The following APBA2 variants were observed in gnomAD, a reference collection of about 807,000 sequenced individuals.
APBA2 encodes amyloid beta precursor protein binding family A member 2, also known as amyloid-beta A4 precursor protein-binding family A member 2.
APBA2 carries 30 observed loss-of-function variants against 75.0 expected under a neutral mutation model. The ratio of observed to expected loss-of-function variants is 0.40; its 90% CI spans 0.30 to 0.54. APBA2 has a LOEUF of 0.54. Ranked by LOEUF, APBA2 falls within the 20% of genes least tolerant of loss-of-function variation. The pLI is 0.49. For missense variants in APBA2, 801 were observed against 1,016.1 expected, an observed-to-expected ratio of 0.79 and a Z score of 2.88; for synonymous variants, 444 against 409.6, an observed-to-expected ratio of 1.08 and a Z score of -1.01.
chr15:28,978,417 G>C (rs1262351216), intron 2 of APBA2, among the ~76,000 whole-genome samples: 6 of 152,222 alleles, frequency 3.9e-5, no homozygotes, highest in African/African-American at 2.4e-5. Context: ...CAGAGCTAAG[G>C]GGGTGAGGCT....
chr15:28,962,054 A>G (rs902820332), intron 2 of APBA2, among the ~76,000 whole-genome samples: 3 of 152,044 alleles, frequency 2.0e-5, no homozygotes, highest in Non-Finnish European at 4.4e-5. Context: ...GACCTTCCAA[A>G]GGTGGTTTTT....
At chr15:28,890,087 C>T (rs1323405983) in intron 1 of APBA2, among the ~76,000 whole-genome samples, 3 of 152,198 alleles carry the variant, frequency 2.0e-5, no homozygotes, top group Non-Finnish European at 2.9e-5. Flanking sequence ...GTCCTGCTCC[C>T]TGTGCCTCCT....
In APBA2 at chr15:29,055,000, C is replaced by T. The variant is rs1038212501; in HGVS notation, c.951+165C>T. ...ATTGGTCCAGTTGGGAGACATGTTG[C>T]GTGGATGCTCCGGCCACTCTTAAGC... On this transcript the variant is annotated intron_variant, in intron 4 of 14. Transcript: ENST00000683413. The surrounding 1 kb of genome is among the most constrained non-coding windows in gnomAD (Gnocchi z 6.1). Among the ~76,000 whole-genome samples, 8 of 152,268 alleles carry T rather than the reference C, an allele frequency of 5.3e-5. No homozygotes were observed. In the South Asian group the frequency reaches 6.2e-4, roughly 12 times the overall value.
chr15:28,993,517 C>T (rs760785734), intron 2 of APBA2, among the ~76,000 whole-genome samples: 1 of 152,116 alleles, frequency 6.6e-6, no homozygotes, highest in Non-Finnish European at 1.5e-5. Context: ...CTGATTCCTC[C>T]ACCCTCCGCA....
intron 2 of APBA2, among the ~76,000 whole-genome samples, chr15:28,936,731 A>T (rs574127796): frequency 6.6e-6 from 1 of 152,320 alleles, no homozygotes; most frequent in Non-Finnish European, 1.5e-5. Flanking sequence ...GGACAGGCAG[A>T]TAGACCCCAA....
chr15:28,926,273 C>T lies in APBA2; in HGVS notation c.-95+4524C>T, dbSNP rs113863037. Reference sequence around the variant, plus strand: ...TTCTCTCTCCTCTGGTTTCAATGGACCATTTTATGTGATGCCATTTTATCT... The same window carrying T: ...TTCTCTCTCCTCTGGTTTCAATGGATCATTTTATGTGATGCCATTTTATCT... On this transcript the variant is annotated intron_variant, in intron 2 of 14. Coordinates refer to ENST00000683413, the MANE Select transcript of APBA2 (RefSeq NM_001353788.2). Among the ~76,000 whole-genome samples the T allele has an allele frequency of 5.0e-3, 765 of 152,248 alleles. 7 individuals carry two copies. The highest frequency in any genetic ancestry group is 0.018 in the African/African-American group (738 of 41,530).
chr15:29,020,996 G>A (rs898739544), intron 3 of APBA2, among the ~76,000 whole-genome samples: 59 of 152,134 alleles, frequency 3.9e-4, no homozygotes, highest in African/African-American at 1.4e-3. Context: ...AGAGTCCCAA[G>A]TTTTAACTCT....
At chr15:29,025,074 G>A (rs972087795) in intron 3 of APBA2, among the ~76,000 whole-genome samples, 1 of 152,092 alleles carries the variant, frequency 6.6e-6, no homozygotes, top group South Asian at 2.1e-4. Context: ...CTTCATAAGC[G>A]GTGGTGTATG....
chr15:28,910,590 C>T (rs1412953226), intron 1 of APBA2, among the ~76,000 whole-genome samples: 3 of 152,092 alleles, frequency 2.0e-5, no homozygotes, highest in Non-Finnish European at 2.9e-5. Context: ...TGGGCTGTGC[C>T]GAAAGTCTCT....
intron 2 of APBA2, among the ~76,000 whole-genome samples, chr15:28,962,132 C>T (rs2036506612): frequency 6.6e-6 from 1 of 152,134 alleles, no homozygotes. Context: ...TTTCAAACCA[C>T]TGCAATCATT....
At position 28,945,583 on chromosome 15, in the gene APBA2, A is replaced by T. The variant is rs956991467; in HGVS notation, c.-95+23834A>T. On this transcript the variant is annotated intron_variant, in intron 2 of 14. Transcript: ENST00000683413. ...TGCCCAGGCTAGAGTGCAGTGGCCA[A>T]TCTTGGTTCACTGCAACCTCGGCCT... Among the ~76,000 whole-genome samples, 3 of 151,370 alleles carry T rather than the reference A, an allele frequency of 2.0e-5. No homozygotes were observed. In the East Asian group the frequency reaches 5.8e-4, roughly 29 times the overall value.
chr15:29,029,101 G>C (rs1462103220), intron 3 of APBA2, among the ~76,000 whole-genome samples: 1 of 152,062 alleles, frequency 6.6e-6, no homozygotes, highest in Non-Finnish European at 1.5e-5. Context: ...GTCCTGAATG[G>C]TATTGTCTAG....
intron 2 of APBA2, among the ~76,000 whole-genome samples, chr15:28,939,995 A>G (rs2035103388): frequency 6.6e-6 from 1 of 152,212 alleles, no homozygotes; most frequent in African/African-American, 2.4e-5. Flanking sequence ...CAGCCCTACA[A>G]AGTGGGAAGA....
chr15:29,003,812 G>T (rs140214288), intron 3 of APBA2, among the ~76,000 whole-genome samples: 12 of 152,324 alleles, frequency 7.9e-5, no homozygotes, highest in Admixed American at 2.6e-4. Context: ...TACTTTTAAG[G>T]TCTCCTGACA....
At chr15:29,060,049 A>G (rs1002276068) in intron 4 of APBA2, among the ~76,000 whole-genome samples, 5 of 151,978 alleles carry the variant, frequency 3.3e-5, no homozygotes, top group African/African-American at 1.2e-4. Flanking sequence ...GTACACATGA[A>G]CTCCCAAGGC....
chr15:29,111,959 C>T (rs2044756586), intron 13 of APBA2, among the ~76,000 whole-genome samples: 1 of 152,184 alleles, frequency 6.6e-6, no homozygotes, highest in South Asian at 2.1e-4. Flanking sequence ...TCCCAAGGGC[C>T]CTGGCCTCTA....
intron 2 of APBA2, chr15:28,990,426 GC>G (rs1393520332): frequency 6.6e-6 from 1 of 151,180 alleles, no homozygotes; most frequent in Non-Finnish European, 1.5e-5. Context: ...AGTCAGCTCA[GC>G]CCCACTGCAA....
At chr15:28,958,558 A>G (rs2036295168) in intron 2 of APBA2, among the ~76,000 whole-genome samples, 1 of 152,210 alleles carries the variant, frequency 6.6e-6, no homozygotes, top group Admixed American at 6.5e-5. Flanking sequence ...TGAAGAGTTC[A>G]TTATCAGCTG....
At chr15:28,994,815 C>T (rs955327977) in intron 2 of APBA2, among the ~76,000 whole-genome samples, 2 of 152,196 alleles carry the variant, frequency 1.3e-5, no homozygotes, top group African/African-American at 4.8e-5. Context: ...GTGAATGGGG[C>T]TCTTCCCTAC....
Sources: allele counts gnomAD v4.1 joint callset (sites outside exome capture counted in the v4.1 genomes callset), GRCh38; gene constraint gnomAD v4.1.1; non-coding constraint Gnocchi (gnomAD v3.1); transcripts MANE v1.5; gene names NCBI Gene and HGNC (gene_info 2026-07-23, HGNC 2026-07-21).